The following PDIK1L variants were observed in gnomAD, a reference collection of about 807,000 sequenced individuals.
The protein encoded by PDIK1L is PDLIM1 interacting kinase 1 like, also known as serine/threonine-protein kinase PDIK1L.
Under a neutral mutation model 27.1 loss-of-function variants are expected in PDIK1L, and 9 were observed. The ratio of observed to expected loss-of-function variants is 0.33; its 90% CI spans 0.20 to 0.58. The LOEUF is 0.58. Ranked by LOEUF, PDIK1L falls within the 20% of genes least tolerant of loss-of-function variation. PDIK1L has a pLI of 0.86. For missense variants in PDIK1L, 216 were observed against 413.2 expected, an observed-to-expected ratio of 0.52 and a Z score of 4.14; for synonymous variants, 130 against 141.7, an observed-to-expected ratio of 0.92 and a Z score of 0.59.
intron 2 of PDIK1L, among the ~76,000 whole-genome samples, chr1:26,119,403 G>GTCTCTC (rs56711335): frequency 1.3e-4 from 19 of 149,054 alleles, no homozygotes; most frequent in East Asian, 5.9e-4. Flanking sequence ...GCAAGACCTT[G>GTCTCTC]TCTCTCTCTC....
In PDIK1L at chr1:26,122,641, T is replaced by C; in HGVS notation, c.*64T>C. The C allele has an allele frequency of 6.6e-7, 1 of 1,505,090 alleles. No homozygotes were observed. Among genetic ancestry groups the C allele is most frequent in the East Asian group, 2.3e-5 (1 of 44,052 alleles). 93.2% of individuals were successfully genotyped at this position (1,505,090 alleles called of 1,614,324 possible). A position where few individuals can be genotyped will look rare whatever the true frequency, so the allele number is the denominator to read the frequency against. ...TCTGTTTAACAGTGATGCAACATTA[T>C]GTGGCTGAAAAAGAATATAAAAAGC... On this transcript the variant is annotated 3_prime_UTR_variant, in exon 3 of 3. Transcript: ENST00000374269. This position sits in a 1 kb window ranked among gnomAD's most constrained non-coding sequence, Gnocchi z 5.4.
intron 2 of PDIK1L, among the ~76,000 whole-genome samples, chr1:26,116,755 G>A (rs529159474): frequency 6.6e-6 from 1 of 152,144 alleles, no homozygotes; most frequent in African/African-American, 2.4e-5. Flanking sequence ...TGCTCTTGTC[G>A]CCCAGGCTGG....
rs2087991485 is a variant in PDIK1L, at chr1:26,121,709, T to G, written c.286-128T>G. 4 of 997,900 alleles carry G rather than the reference T, an allele frequency of 4.0e-6. No homozygotes were observed. The South Asian group carries it at 8.2e-5, about 21-fold the overall frequency. 61.8% of individuals were successfully genotyped at this position (997,900 alleles called of 1,614,324 possible). A position where few individuals can be genotyped will look rare whatever the true frequency, so the allele number is the denominator to read the frequency against. ...AAAATGCATATTTGAAAGCACTGATTAAATAAAATATTTATAGAGTTTCCA... is the reference window on the plus strand; with the variant it reads ...AAAATGCATATTTGAAAGCACTGATGAAATAAAATATTTATAGAGTTTCCA... On this transcript the variant is annotated intron_variant, in intron 2 of 2. Transcript: ENST00000374269.
chr1:26,111,734 C>CTT (rs1349116681), upstream of PDIK1L: 31 of 151,444 alleles, frequency 2.0e-4, no homozygotes, highest in African/African-American at 6.5e-4. The surrounding 1 kb of genome is among the most constrained non-coding windows in gnomAD (Gnocchi z 4.0). Context: ...CGGAACGTCC[C>CTT]GGCTCGCGCT....
Position 26,114,707 on chromosome 1 carries a change from G to A in PDIK1L, c.285+114G>A. Reference sequence around the variant, plus strand: ...CTTTAAATGCAGGTGTTTGTAGTTAGAAGTAGATAAGTGTCTGCCAAGAAT... The same window carrying A: ...CTTTAAATGCAGGTGTTTGTAGTTAAAAGTAGATAAGTGTCTGCCAAGAAT... On this transcript the variant is annotated intron_variant, in intron 2 of 2. Coordinates refer to ENST00000374269, the MANE Select transcript of PDIK1L (RefSeq NM_152835.5). The surrounding 1 kb of genome is among the most constrained non-coding windows in gnomAD (Gnocchi z 4.8). 1 of 1,187,482 alleles carries A rather than the reference G, an allele frequency of 8.4e-7. No homozygotes were observed. The highest frequency in any genetic ancestry group is 1.2e-6 in the Non-Finnish European group (1 of 849,194). 73.6% of individuals were successfully genotyped at this position (1,187,482 alleles called of 1,614,324 possible).
chr1:26,114,646 C>A lies in PDIK1L; in HGVS notation c.285+53C>A. On this transcript the variant is annotated intron_variant, in intron 2 of 2. Coordinates refer to ENST00000374269, the MANE Select transcript of PDIK1L (RefSeq NM_152835.5). The surrounding 1 kb of genome is among the most constrained non-coding windows in gnomAD (Gnocchi z 4.8). ...ATGATTTGAACATGGCATTGGCCAG[C>A]AAGAAGAGGAATGAAAGGGTCAGAC... 6.4e-7 allele frequency: 1 copy of A among 1,573,786 alleles called. No homozygotes were observed.
chr1:26,121,223 A>G (rs1391207240), intron 2 of PDIK1L, among the ~76,000 whole-genome samples: 10 of 152,230 alleles, frequency 6.6e-5, no homozygotes, highest in African/African-American at 2.4e-4. Context: ...TTGGTTTTTA[A>G]AAGTCATCCA....
upstream of PDIK1L, among the ~76,000 whole-genome samples, chr1:26,111,591 C>T (rs1342787086): frequency 4.0e-5 from 6 of 151,422 alleles, no homozygotes; most frequent in South Asian, 2.1e-4. This position sits in a 1 kb window ranked among gnomAD's most constrained non-coding sequence, Gnocchi z 4.0. Context: ...TTCCCGAGCC[C>T]GGCCACCCCT....
At chr1:26,119,811 A>T (rs951922197) in intron 2 of PDIK1L, among the ~76,000 whole-genome samples, 9 of 152,160 alleles carry the variant, frequency 5.9e-5, no homozygotes, top group African/African-American at 2.2e-4. Flanking sequence ...GTGAGCCGAG[A>T]TCGCGCCACT....
intron 2 of PDIK1L, among the ~76,000 whole-genome samples, chr1:26,115,633 C>T (rs916792475): frequency 3.9e-5 from 6 of 151,974 alleles, no homozygotes; most frequent in Non-Finnish European, 5.9e-5. Context: ...AACCCCGTCT[C>T]TACTAAAAAT....
intron 1 of PDIK1L, chr1:26,112,644 T>G (rs1289912804): frequency 6.6e-6 from 1 of 152,234 alleles, no homozygotes; most frequent in East Asian, 1.9e-4. Flanking sequence ...CAGTAGCGAT[T>G]TGAAGGGTGG....
At chr1:26,117,283 C>T (rs888000694) in intron 2 of PDIK1L, among the ~76,000 whole-genome samples, 2 of 152,000 alleles carry the variant, frequency 1.3e-5, no homozygotes, top group Non-Finnish European at 2.9e-5. Context: ...CCATCTGCTG[C>T]AGCCTCCCAA....
intron 1 of PDIK1L, among the ~76,000 whole-genome samples, chr1:26,113,516 A>AG (rs1553149403): frequency 3.3e-5 from 5 of 151,568 alleles, no homozygotes; most frequent in Non-Finnish European, 5.9e-5. Context: ...AAAAAAAAAA[A>AG]AAAGAAACGT....
rs2088011409 is a variant in PDIK1L at position 26,122,804 on chromosome 1, T to G, written c.*227T>G. Reference sequence around the variant, plus strand: ...TGGGTGTAAATTTTTAAAAAATGATTATTGATAGAAGTTTGGCAGGAAAAT... The same window carrying G: ...TGGGTGTAAATTTTTAAAAAATGATGATTGATAGAAGTTTGGCAGGAAAAT... On this transcript the variant is annotated 3_prime_UTR_variant, in exon 3 of 3. Transcript: ENST00000374269. The surrounding 1 kb of genome is among the most constrained non-coding windows in gnomAD (Gnocchi z 5.4). 2 of 375,650 alleles carry G rather than the reference T, an allele frequency of 5.3e-6. No individual in the cohort carries two copies. Among genetic ancestry groups the G allele is most frequent in the African/African-American group, 2.1e-5 (1 of 47,696 alleles). The allele number at this position is 375,650 out of a possible 1,614,324, so 23.3% of individuals were successfully genotyped here. A position where few individuals can be genotyped will look rare whatever the true frequency, so the allele number is the denominator to read the frequency against.
At chr1:26,117,861 C>T (rs1469820273) in intron 2 of PDIK1L, among the ~76,000 whole-genome samples, 1 of 152,050 alleles carries the variant, frequency 6.6e-6, no homozygotes, top group Non-Finnish European at 1.5e-5. Context: ...AGTTCCAAGA[C>T]CAGCCTGGGC....
At position 26,122,445 on chromosome 1, in the gene PDIK1L, A is replaced by C. The variant is rs949370288; in HGVS notation, c.894A>C (p.Lys298Asn). 1.7e-5 allele frequency: 27 copies of C among 1,614,040 alleles called. No individual in the cohort carries two copies. In the Admixed American group the frequency reaches 3.7e-4, roughly 22 times the overall value. The change falls in exon 3 of 3, where the codon AAA becomes AAC. Residue 298 changes from lysine to asparagine, a missense_variant. By Grantham distance (94) the Lys-to-Asn change is moderately conservative. This residue lies in a region of PDIK1L where 169 missense variants were observed against 366.0 expected (regional missense o/e 0.46). Coordinates refer to ENST00000374269, the MANE Select transcript of PDIK1L (RefSeq NM_152835.5). The surrounding 1 kb of genome is among the most constrained non-coding windows in gnomAD (Gnocchi z 5.4). ...KMELLIPVKK[K>N]SMNGRMKQLI... is the part of the protein sequence containing the mutation. ...AACTTCTCATTCCTGTGAAGAAAAA[A>C]TCTATGAATGGGCGAATGAAACAAC...
Position 26,114,737 on chromosome 1 carries a change from T to A in PDIK1L, c.285+144T>A. ...AGATAAGTGTCTGCCAAGAATTGAG[T>A]AGATGTTTGCTTTAAAACAAGGTTT... is the stretch of plus-strand genomic sequence containing the variant. On this transcript the variant is annotated intron_variant, in intron 2 of 2. Coordinates refer to ENST00000374269, the MANE Select transcript of PDIK1L (RefSeq NM_152835.5). This position sits in a 1 kb window ranked among gnomAD's most constrained non-coding sequence, Gnocchi z 4.8. 1 of 949,196 alleles carries A rather than the reference T, an allele frequency of 1.1e-6. No homozygotes were observed. Among genetic ancestry groups the A allele is most frequent in the Non-Finnish European group, 1.5e-6 (1 of 646,824 alleles). 58.8% of individuals were successfully genotyped at this position (949,196 alleles called of 1,614,324 possible).
intron 2 of PDIK1L, among the ~76,000 whole-genome samples, chr1:26,121,100 G>C (rs1042554069): frequency 6.6e-6 from 1 of 152,034 alleles, no homozygotes; most frequent in African/African-American, 2.4e-5. Context: ...TTTTCAGCTT[G>C]TATGAAAGAA....
intron 1 of PDIK1L, among the ~76,000 whole-genome samples, chr1:26,113,153 G>A (rs1166967362): frequency 6.6e-6 from 1 of 152,188 alleles, no homozygotes; most frequent in Non-Finnish European, 1.5e-5. Flanking sequence ...CTACAAAAAG[G>A]TAACTGTATT....
Sources: gnomAD v4.1 joint callset for allele counts (sites outside exome capture counted in the v4.1 genomes callset) on GRCh38, gnomAD v4.1.1 for gene constraint, gnomAD v4.1.1 regional missense constraint, Gnocchi (gnomAD v3.1) non-coding constraint, MANE v1.5 for transcripts, NCBI Gene and HGNC (gene_info 2026-07-23, HGNC 2026-07-21) for gene names.